TMTC2: variants seen among roughly 807,000 people sequenced by gnomAD.
TMTC2 encodes transmembrane O-mannosyltransferase targeting cadherins 2.
TMTC2 carries 43 observed loss-of-function variants against 82.4 expected under a neutral mutation model. The ratio of observed to expected loss-of-function variants is 0.52; its 90% CI spans 0.41 to 0.67. The LOEUF (loss-of-function observed/expected upper bound fraction) is 0.67. Ranked by LOEUF, TMTC2 falls within the 30% of genes least tolerant of loss-of-function variation. The probability of loss-of-function intolerance (pLI) is 0.00; values close to 1 mark genes in which losing one functional copy is unlikely to be tolerated. For missense variants in TMTC2, 919 were observed against 1,012.4 expected (o/e 0.91, Z 1.25); for synonymous variants, 408 against 381.9 (o/e 1.07, Z -0.80).
At chr12:82,946,691 C>G (rs771640814) in intron 4 of TMTC2, among the ~76,000 whole-genome samples, 3 of 151,758 alleles carry the variant, frequency 2.0e-5, no homozygotes, top group Non-Finnish European at 4.4e-5. Context: ...GAGCCTTGTT[C>G]TAGAAACCAC....
chr12:82,919,151 G>C (rs1163786552), intron 3 of TMTC2, among the ~76,000 whole-genome samples: 1 of 152,206 alleles, frequency 6.6e-6, no homozygotes, highest in Non-Finnish European at 1.5e-5. Flanking sequence ...CATCTGGCAA[G>C]GGTTGAACTG....
At chr12:82,742,604 C>T (rs1231875261) in intron 1 of TMTC2, among the ~76,000 whole-genome samples, 1 of 151,998 alleles carries the variant, frequency 6.6e-6, no homozygotes, top group African/African-American at 2.4e-5. Flanking sequence ...ACCACAACCT[C>T]CGCCTCTCGG....
chr12:82,747,611 T>C (rs1875757197), intron 1 of TMTC2, among the ~76,000 whole-genome samples: 1 of 152,216 alleles, frequency 6.6e-6, no homozygotes, highest in Non-Finnish European at 1.5e-5. Flanking sequence ...TGGAATTGAG[T>C]GCATTGCTTT....
intron 1 of TMTC2, among the ~76,000 whole-genome samples, chr12:82,733,238 A>C (rs1874923494): frequency 6.6e-6 from 1 of 152,226 alleles, no homozygotes; most frequent in Non-Finnish European, 1.5e-5. Context: ...CATTGCTGTG[A>C]GGTGAGGATA....
chr12:83,031,373 C>A (rs926628387), intron 9 of TMTC2, among the ~76,000 whole-genome samples: 6 of 152,134 alleles, frequency 3.9e-5, no homozygotes, highest in Non-Finnish European at 7.3e-5. Flanking sequence ...GTAAAGGGTG[C>A]AAAGGATGGC....
chr12:82,909,834 T>C (rs1874538540), intron 3 of TMTC2, among the ~76,000 whole-genome samples: 1 of 152,196 alleles, frequency 6.6e-6, no homozygotes, highest in Non-Finnish European at 1.5e-5. Context: ...TATTAAGGAA[T>C]GATTAGCTAT....
chr12:83,108,890 A>G (rs1884506369), intron 11 of TMTC2, among the ~76,000 whole-genome samples: 1 of 152,190 alleles, frequency 6.6e-6, no homozygotes, highest in South Asian at 2.1e-4. Context: ...TCTTATTAAT[A>G]TGTTAATGAA....
At chr12:83,122,191 T>C (rs1042105215) in intron 11 of TMTC2, among the ~76,000 whole-genome samples, 1 of 151,202 alleles carries the variant, frequency 6.6e-6, no homozygotes, top group African/African-American at 2.4e-5. Context: ...TTTCGCCGAG[T>C]CTGTTTCCAG....
rs981479342 is a variant in TMTC2 at position 83,115,142 on chromosome 12, G to A, written c.2332-17068G>A. ...GTATTTTTAAACTCATGCCTCACAC[G>A]TACACAGTTGGATGGGCTGTACAGC... On this transcript the variant is annotated intron_variant, in intron 11 of 11. Coordinates refer to ENST00000321196, the MANE Select transcript of TMTC2 (RefSeq NM_152588.3). Among the ~76,000 whole-genome samples the A allele has an allele frequency of 2.6e-5, 4 of 152,198 alleles. No homozygotes were observed. In the South Asian group the frequency reaches 6.2e-4, roughly 24 times the overall value.
chr12:82,769,956 A>G lies in TMTC2; in HGVS notation c.83+82287A>G, dbSNP rs548049839. ...TATCTGAGTTTTGTTTTCTTTTAAT[A>G]TAGTTCTCTCATCCCTGAAAAACCA... On this transcript the variant is annotated intron_variant, in intron 1 of 11. Coordinates refer to ENST00000321196, the MANE Select transcript of TMTC2 (RefSeq NM_152588.3). Among the ~76,000 whole-genome samples the G allele has an allele frequency of 2.0e-5, 3 of 152,260 alleles. No homozygotes were observed. The East Asian group carries it at 5.8e-4, about 29-fold the overall frequency.
At chr12:82,987,434 A>G (rs1449046722) in intron 8 of TMTC2, among the ~76,000 whole-genome samples, 8 of 151,114 alleles carry the variant, frequency 5.3e-5, no homozygotes, top group South Asian at 4.2e-4. Context: ...AAAAAAAAAA[A>G]AGAGAAAAAA....
At chr12:82,726,975 C>T (rs866178868) in intron 1 of TMTC2, among the ~76,000 whole-genome samples, 3 of 150,772 alleles carry the variant, frequency 2.0e-5, no homozygotes, top group South Asian at 4.2e-4. Context: ...CTTTGAATTG[C>T]TGTGTATCCT....
At chr12:82,997,380 A>ATGTGTATATATATG (rs1879698974) in intron 8 of TMTC2, among the ~76,000 whole-genome samples, 2 of 35,198 alleles carry the variant, frequency 5.7e-5, no homozygotes, top group African/African-American at 1.7e-4. Flanking sequence ...ATATATATAT[A>ATGTGTATATATATG]TGTGTATATA....
chr12:82,853,911 C>T (rs1251870410), intron 1 of TMTC2, among the ~76,000 whole-genome samples: 1 of 150,670 alleles, frequency 6.6e-6, no homozygotes, highest in Admixed American at 6.6e-5. Flanking sequence ...CTCTTTCTGG[C>T]AACACTCTTT....
At chr12:82,730,342 A>G (rs940054260) in intron 1 of TMTC2, among the ~76,000 whole-genome samples, 5 of 144,966 alleles carry the variant, frequency 3.4e-5, no homozygotes, top group Non-Finnish European at 6.0e-5. Flanking sequence ...TCCACTCCCT[A>G]TCTTATATAA....
chr12:82,950,281 A>C (rs1166471369), intron 4 of TMTC2, among the ~76,000 whole-genome samples: 2 of 152,216 alleles, frequency 1.3e-5, no homozygotes, highest in Non-Finnish European at 2.9e-5. Context: ...ATAATATGAA[A>C]AACTTAAACC....
intron 4 of TMTC2, among the ~76,000 whole-genome samples, chr12:82,948,703 G>A (rs77325085): frequency 2.0e-5 from 3 of 152,170 alleles, no homozygotes; most frequent in Non-Finnish European, 4.4e-5. Flanking sequence ...TATGTTTAAA[G>A]TGAGTGCATT....
chr12:83,134,045 G>T lies in TMTC2; in HGVS notation c.*1656G>T, dbSNP rs1379992350. ...ACAGTGGGATAAATAATTGAAAGTA[G>T]TGTTCCTATGGCATTAGTGTTTTTG... On this transcript the variant is annotated 3_prime_UTR_variant, in exon 12 of 12. Transcript: ENST00000321196. 1.3e-5 allele frequency: 2 copies of T among 152,562 alleles called. No individual in the cohort carries two copies. The highest frequency in any genetic ancestry group is 2.9e-5 in the Non-Finnish European group (2 of 68,028). The allele number at this position is 152,562 out of a possible 1,614,324, so 9.5% of individuals were successfully genotyped here. A position where few individuals can be genotyped will look rare whatever the true frequency, so the allele number is the denominator to read the frequency against.
intron 1 of TMTC2, among the ~76,000 whole-genome samples, chr12:82,751,434 G>A (rs1875997621): frequency 6.6e-6 from 1 of 151,968 alleles, no homozygotes; most frequent in South Asian, 2.1e-4. Context: ...TATACCTAAT[G>A]CTAAATGACG....
Sources: allele counts gnomAD v4.1 joint callset (sites outside exome capture counted in the v4.1 genomes callset), GRCh38; gene constraint gnomAD v4.1.1; transcripts MANE v1.5; gene names NCBI Gene and HGNC (gene_info 2026-07-23, HGNC 2026-07-21).